Variants in TRPM2 observed in about 807,000 individuals in gnomAD.
The protein encoded by TRPM2 is estrogen-responsive element-associated gene 1 protein.
In TRPM2, 161 loss-of-function variants were observed where a neutral mutation model predicts 174.0. That is an observed-to-expected ratio of 0.93 (90% CI 0.81 to 1.05). TRPM2 has a LOEUF of 1.05. Among genes scored for constraint, TRPM2 ranks in the 50% least tolerant of loss-of-function variants. TRPM2 has a pLI of 0.00. For missense variants in TRPM2, 2,057 were observed against 2,038.0 expected, an observed-to-expected ratio of 1.01 and a Z score of -0.18; for synonymous variants, 954 against 861.3, an observed-to-expected ratio of 1.11 and a Z score of -1.88.
Position 44,439,295 on chromosome 21 carries a change from G to A in TRPM2, c.4269+127G>A. ...GCGGTCCCACCCAGCTTCACCAGGT[G>A]ACGGTGGTCCCAGCCCCTGCCCCCA... On this transcript the variant is annotated intron_variant, in intron 30 of 31. Transcript: ENST00000397928. The surrounding 1 kb of genome is among the most constrained non-coding windows in gnomAD (Gnocchi z 5.1). 1 of 805,864 alleles carries A rather than the reference G, an allele frequency of 1.2e-6. No individual in the cohort carries two copies. The highest frequency in any genetic ancestry group is 2.0e-6 in the Non-Finnish European group (1 of 497,816). 49.9% of individuals were successfully genotyped at this position (805,864 alleles called of 1,614,324 possible). A position where few individuals can be genotyped will look rare whatever the true frequency, so the allele number is the denominator to read the frequency against.
chr21:44,417,136 G>C (rs1385728057), intron 20 of TRPM2, among the ~76,000 whole-genome samples: 10 of 133,856 alleles, frequency 7.5e-5, no homozygotes, highest in Non-Finnish European at 4.7e-5. Flanking sequence ...CTGCTCTCTG[G>C]CATCACAGTG....
intron 30 of TRPM2, among the ~76,000 whole-genome samples, chr21:44,440,301 G>GCCTGGGGAACAGAAAGAGATTCCGT (rs1569125636): frequency 2.3e-5 from 2 of 85,642 alleles, no homozygotes; most frequent in African/African-American, 6.8e-5. Flanking sequence ...GCACCACTGC[G>GCCTGGGGAACAGAAAGAGATTCCGT]CTCAAAAAAA....
At chr21:44,356,741 C>T (rs2146115518) in intron 2 of TRPM2, among the ~76,000 whole-genome samples, 1 of 152,256 alleles carries the variant, frequency 6.6e-6, no homozygotes, top group Non-Finnish European at 1.5e-5. Context: ...CCGTGCTTGG[C>T]TGGTTGGCTA....
chr21:44,375,513 T>C (rs1172306642), intron 5 of TRPM2, among the ~76,000 whole-genome samples: 2 of 152,110 alleles, frequency 1.3e-5, no homozygotes, highest in Non-Finnish European at 2.9e-5. Flanking sequence ...CCTCCTCCAC[T>C]CCTGGGGGGT....
chr21:44,395,310 G>A, intron 11 of TRPM2, 104 bp from the exon 12 acceptor site: 9 of 1,406,884 alleles, frequency 6.4e-6, no homozygotes, highest in Non-Finnish European at 8.5e-6. Context: ...GTGAGATCCT[G>A]AGAAGGTCGG....
chr21:44,423,534 C>T, intron 22 of TRPM2, 111 bp from the exon 23 acceptor site: 1 of 877,380 alleles, frequency 1.1e-6, no homozygotes, highest in East Asian at 2.6e-5. Context: ...GAAGCAAAGG[C>T]TGACACAGGG....
chr21:44,394,220 C>T (rs886445378), intron 11 of TRPM2, among the ~76,000 whole-genome samples: 3 of 151,066 alleles, frequency 2.0e-5, no homozygotes, highest in Non-Finnish European at 2.9e-5. Flanking sequence ...AAGTCCAGTG[C>T]GTTTATTTAA....
At chr21:44,413,617 G>A (rs1396262545) in intron 19 of TRPM2, among the ~76,000 whole-genome samples, 2 of 152,204 alleles carry the variant, frequency 1.3e-5, no homozygotes, top group Non-Finnish European at 2.9e-5. Flanking sequence ...CTGGGACCCT[G>A]GCAGTGCCCT....
At chr21:44,386,151 G>A (rs1340885969) in intron 9 of TRPM2, among the ~76,000 whole-genome samples, 2 of 152,152 alleles carry the variant, frequency 1.3e-5, no homozygotes, top group African/African-American at 4.8e-5. Flanking sequence ...TTTGGGAGGC[G>A]GAGGTGGGCG....
In TRPM2 at chr21:44,418,434, G is replaced by T; in HGVS notation, c.3340G>T (p.Glu1114Ter). 1 of 1,614,044 alleles carries T rather than the reference G, an allele frequency of 6.2e-7. No individual in the cohort carries two copies. Residue 1114 changes from glutamate to a stop codon, truncating the protein, a stop_gained, in exon 22 of 32, where the codon GAG (glutamate) becomes TAG (stop). Transcript: ENST00000397928. LOFTEE classifies it high-confidence loss of function. ...GCCCACCCTGACAGAGAACAAGCTGGAGAAGAACGAGGAGGCGGCCCTGCT... is the reference window on the plus strand; with the variant it reads ...GCCCACCCTGACAGAGAACAAGCTGTAGAAGAACGAGGAGGCGGCCCTGCT... ...KRHKQLKNKLEKNEEAALLSW... is the reference protein window; with the variant it reads ...KRHKQLKNKL
chr21:44,426,794 G>T, intron 26 of TRPM2, 58 bp downstream of exon 26: 1 of 1,594,508 alleles, frequency 6.3e-7, no homozygotes. Context: ...GCCTCCTAGG[G>T]GCTCCCTTGA....
intron 5 of TRPM2, among the ~76,000 whole-genome samples, chr21:44,375,109 T>G (rs2048656761): frequency 6.6e-6 from 1 of 152,150 alleles, no homozygotes; most frequent in Non-Finnish European, 1.5e-5. Context: ...TGAGATCCGC[T>G]ATGTCGTCCA....
intron 27 of TRPM2, among the ~76,000 whole-genome samples, chr21:44,431,480 T>G (rs140346551): frequency 1.3e-5 from 2 of 152,220 alleles, no homozygotes; most frequent in African/African-American, 4.8e-5. Flanking sequence ...TTTAGCTTTT[T>G]TTATCTTGAG....
intron 9 of TRPM2, 59 bp from the exon 10 acceptor site, chr21:44,390,845 T>A (rs2049149700): frequency 6.2e-7 from 1 of 1,608,340 alleles, no homozygotes; most frequent in Non-Finnish European, 8.5e-7. Context: ...ATCATTTCCC[T>A]GGAGGGAAAT....
chr21:44,419,774 T>TGGG (rs2050469652), intron 22 of TRPM2, among the ~76,000 whole-genome samples: 1 of 151,186 alleles, frequency 6.6e-6, no homozygotes, highest in African/African-American at 2.4e-5. Context: ...GTGGTGGTGG[T>TGGG]GGTGATGGTA....
At position 44,406,863 on chromosome 21, in the gene TRPM2, CA is replaced by C. The variant is rs1437346742; in HGVS notation, c.2962+99del. The C allele has an allele frequency of 2.3e-5, 33 of 1,432,650 alleles. No individual in the cohort carries two copies. The Admixed American group carries it at 7.1e-4, about 31-fold the overall frequency. The allele number at this position is 1,432,650 out of a possible 1,614,324, so 88.7% of individuals were successfully genotyped here. ...TGAGTGGGAGTGAGGCCGGCTCCATCAGGGGGTCCTGCGGTTCCCACCTGGC... is the reference window on the plus strand; with the variant it reads ...TGAGTGGGAGTGAGGCCGGCTCCATCGGGGGTCCTGCGGTTCCCACCTGGC... On this transcript the variant is annotated intron_variant, in intron 19 of 31. Transcript: ENST00000397928.
At chr21:44,364,342 A>T in intron 3 of TRPM2, 60 bp downstream of exon 3, 2 of 1,580,790 alleles carry the variant, frequency 1.3e-6, no homozygotes, top group Non-Finnish European at 1.7e-6. Context: ...CCACAGTGAC[A>T]CGCGGTGGTC....
chr21:44,351,388 C>T (rs2122996962), upstream of TRPM2, among the ~76,000 whole-genome samples: 11 of 152,310 alleles, frequency 7.2e-5, no homozygotes, highest in South Asian at 1.0e-3. Flanking sequence ...CCCCTTTCTC[C>T]GGGAATAGCT....
Position 44,406,118 on chromosome 21 carries a change from C to T in TRPM2, c.2790+81C>T, listed in dbSNP as rs1465608419. On this transcript the variant is annotated intron_variant, in intron 18 of 31. Coordinates refer to ENST00000397928, the MANE Select transcript of TRPM2 (RefSeq NM_003307.4). ...GGGAGGGCAGGCCCCTTGCCAGTGG[C>T]TCGGACTGGGGCTTAAACACACCTG... 5 of 1,553,940 alleles carry T rather than the reference C, an allele frequency of 3.2e-6. No individual in the cohort carries two copies. The African/African-American group carries it at 5.4e-5, about 17-fold the overall frequency.
Sources: gnomAD v4.1 joint callset for allele counts (sites outside exome capture counted in the v4.1 genomes callset) on GRCh38, gnomAD v4.1.1 for gene constraint, Gnocchi (gnomAD v3.1) non-coding constraint, MANE v1.5 for transcripts, NCBI Gene and HGNC (gene_info 2026-07-23, HGNC 2026-07-21) for gene names.